The following SFMBT2 variants were observed in gnomAD, a reference collection of about 807,000 sequenced individuals.
The protein encoded by SFMBT2 is scm-like with four MBT domains protein 2.
Under a neutral mutation model 110.1 loss-of-function variants are expected in SFMBT2, and 38 were observed. The ratio of observed to expected loss-of-function variants is 0.35; its 90% confidence interval spans 0.27 to 0.45. The LOEUF (loss-of-function observed/expected upper bound fraction) is 0.45. SFMBT2 is among the 20% of genes least tolerant of loss of function. The probability of loss-of-function intolerance (pLI) is 1.00; values close to 1 mark genes in which losing one functional copy is unlikely to be tolerated. For synonymous variants in SFMBT2, 425 were observed against 425.4 expected, an observed-to-expected ratio of 1.00 and a Z score of 0.01; for missense variants, 1,011 against 1,094.9, an observed-to-expected ratio of 0.92 and a Z score of 1.08.
At chr10:7,319,783 A>G (rs900955375) in intron 4 of SFMBT2, among the ~76,000 whole-genome samples, 1 of 149,556 alleles carries the variant, frequency 6.7e-6, no homozygotes, top group Non-Finnish European at 1.5e-5. Flanking sequence ...AGAGAGAGAG[A>G]GAGGGAGAGA....
At chr10:7,328,527 C>T (rs577524834) in intron 4 of SFMBT2, among the ~76,000 whole-genome samples, 1 of 152,318 alleles carries the variant, frequency 6.6e-6, no homozygotes, top group East Asian at 1.9e-4. Context: ...GAACTCTTGC[C>T]TAATCCCAAC....
At chr10:7,316,486 G>C (rs1478018175) in intron 4 of SFMBT2, among the ~76,000 whole-genome samples, 1 of 152,312 alleles carries the variant, frequency 6.6e-6, no homozygotes, top group Middle Eastern at 3.4e-3. Flanking sequence ...ACTCAGATGA[G>C]AGCAAGGTTG....
chr10:7,312,314 G>T (rs1394506156), intron 4 of SFMBT2, among the ~76,000 whole-genome samples: 2 of 152,144 alleles, frequency 1.3e-5, no homozygotes, highest in Admixed American at 1.3e-4. Flanking sequence ...AGGTCCGAGG[G>T]AGCCGAGGCC....
chr10:7,390,520 G>A (rs1845734710), intron 1 of SFMBT2, among the ~76,000 whole-genome samples: 1 of 152,060 alleles, frequency 6.6e-6, no homozygotes, highest in South Asian at 2.1e-4. Context: ...ACTATTACGT[G>A]TGTCATACAA....
intron 4 of SFMBT2, among the ~76,000 whole-genome samples, chr10:7,366,180 C>A (rs890869225): frequency 6.6e-6 from 1 of 152,020 alleles, no homozygotes; most frequent in Non-Finnish European, 1.5e-5. Context: ...TAGGAAAGAG[C>A]GGGTGCAAAG....
At chr10:7,348,779 A>G (rs913164102) in intron 4 of SFMBT2, among the ~76,000 whole-genome samples, 12 of 152,314 alleles carry the variant, frequency 7.9e-5, no homozygotes, top group South Asian at 2.1e-4. Context: ...GAGAAAGGCA[A>G]CTTCTCCAAT....
intron 4 of SFMBT2, among the ~76,000 whole-genome samples, chr10:7,361,458 A>C (rs1844715938): frequency 6.6e-6 from 1 of 152,222 alleles, no homozygotes; most frequent in Non-Finnish European, 1.5e-5. Flanking sequence ...AATCAACTAC[A>C]GTAAAAATGG....
Position 7,385,898 on chromosome 10 carries a change from A to G in SFMBT2, c.-51-3949T>C, listed in dbSNP as rs561481036. ...ACCTGTAGTCCCAGCTACTCAGGAG[A>G]CTGAGGCAGGAGAATGGCGTGAACC... On this transcript the variant is annotated intron_variant, in intron 1 of 20. Transcript: ENST00000397167. Among the ~76,000 whole-genome samples, 489 of 152,198 alleles carry G rather than the reference A, an allele frequency of 3.2e-3. 1 individual carries two copies. Among genetic ancestry groups the G allele is most frequent in the Admixed American group, 0.016 (245 of 15,286 alleles).
intron 15 of SFMBT2, among the ~76,000 whole-genome samples, chr10:7,191,907 C>T (rs1290777092): frequency 1.3e-5 from 2 of 152,144 alleles, no homozygotes; most frequent in Admixed American, 1.3e-4. Context: ...GCCATATAAT[C>T]TACATGAATG....
At chr10:7,392,260 A>C (rs1448990341) in intron 1 of SFMBT2, among the ~76,000 whole-genome samples, 1 of 152,146 alleles carries the variant, frequency 6.6e-6, no homozygotes, top group African/African-American at 2.4e-5. Flanking sequence ...CACGCCTGTA[A>C]TCCCAACACT....
At chr10:7,372,084 G>A (rs57517266) in intron 2 of SFMBT2, among the ~76,000 whole-genome samples, 255 of 151,904 alleles carry the variant, frequency 1.7e-3, no homozygotes, top group African/African-American at 4.7e-3. Flanking sequence ...GCACCACCAC[G>A]CCCAGCTAAT....
At chr10:7,319,671 A>C (rs1158323686) in intron 4 of SFMBT2, among the ~76,000 whole-genome samples, 1 of 152,026 alleles carries the variant, frequency 6.6e-6, no homozygotes, top group Non-Finnish European at 1.5e-5. Context: ...AGAGAGAGAC[A>C]GAGAGAGACA....
chr10:7,306,197 G>GCA (rs769657254), intron 4 of SFMBT2, among the ~76,000 whole-genome samples: 19 of 152,156 alleles, frequency 1.2e-4, no homozygotes, highest in Non-Finnish European at 2.1e-4. Flanking sequence ...TCAGTTAGAG[G>GCA]CACACACAGA....
At chr10:7,385,861 G>A (rs759655430) in intron 1 of SFMBT2, among the ~76,000 whole-genome samples, 67 of 152,260 alleles carry the variant, frequency 4.4e-4, no homozygotes, top group Non-Finnish European at 7.4e-4. Context: ...TTAGCCAGGC[G>A]TGGTGGTGGG....
At chr10:7,317,896 G>A (rs543444649) in intron 4 of SFMBT2, among the ~76,000 whole-genome samples, 1 of 152,292 alleles carries the variant, frequency 6.6e-6, no homozygotes, top group South Asian at 2.1e-4. Flanking sequence ...AAAGATATTT[G>A]ACTTCGTTAT....
chr10:7,210,290 G>C (rs376251064), intron 11 of SFMBT2, among the ~76,000 whole-genome samples: 1 of 152,152 alleles, frequency 6.6e-6, no homozygotes, highest in Admixed American at 6.5e-5. Flanking sequence ...ACACCTGAGT[G>C]TCTTCCTAGG....
chr10:7,243,215 T>C (rs1293269569), intron 9 of SFMBT2, among the ~76,000 whole-genome samples: 1 of 152,224 alleles, frequency 6.6e-6, no homozygotes, highest in Non-Finnish European at 1.5e-5. Context: ...AACATTGTGT[T>C]ACATTTGTAA....
At chr10:7,294,691 A>T (rs1264299495) in intron 4 of SFMBT2, among the ~76,000 whole-genome samples, 2 of 152,228 alleles carry the variant, frequency 1.3e-5, no homozygotes, top group Non-Finnish European at 2.9e-5. Flanking sequence ...TCCTAGGTGC[A>T]GAACAGCAAA....
Position 7,197,093 on chromosome 10 carries a change from G to C in SFMBT2, c.1698+455C>G, listed in dbSNP as rs1838797660. On this transcript the variant is annotated intron_variant, in intron 15 of 20. Coordinates refer to ENST00000397167, the MANE Select transcript of SFMBT2 (RefSeq NM_001387889.1). ...AGGTACCAGGTGCTCGGAAGAGATG[G>C]ATGAAACAAAAAGATGGCACAGCAC... 2.6e-5 allele frequency among the ~76,000 whole-genome samples: 4 copies of C among 151,812 alleles called. No homozygotes were observed. The South Asian group carries it at 8.3e-4, about 32-fold the overall frequency.
Sources: allele counts gnomAD v4.1 joint callset (sites outside exome capture counted in the v4.1 genomes callset), GRCh38; gene constraint gnomAD v4.1.1; transcripts MANE v1.5; gene names NCBI Gene and HGNC (gene_info 2026-07-23, HGNC 2026-07-21).